Variants in PCDH15 observed in about 807,000 individuals in gnomAD.
The protein encoded by PCDH15 is protocadherin-15.
In PCDH15, 129 loss-of-function variants were observed where a neutral mutation model predicts 178.5. That is an observed-to-expected ratio of 0.72 (90% CI 0.63 to 0.84). The LOEUF is 0.84. Among genes scored for constraint, PCDH15 ranks in the 40% least tolerant of loss-of-function variants. The pLI is 0.00. For missense variants in PCDH15, 2,230 were observed against 2,099.9 expected (o/e 1.06, Z -1.21); for synonymous variants, 800 against 732.0 (o/e 1.09, Z -1.50).
Position 53,857,168 on chromosome 10 carries a change from C to A in PCDH15, c.3806+7G>T, listed in dbSNP as rs2078804358. The A allele has an allele frequency of 1.3e-6, 2 of 1,566,670 alleles. No individual in the cohort carries two copies. Among genetic ancestry groups the A allele is most frequent in the Non-Finnish European group, 1.8e-6 (2 of 1,138,298 alleles). ...AAATAAATATATAAGGAGACAAAAT[C>A]AATTACTCTGTAAGATCTTCTATCT... On this transcript the variant is annotated splice_region_variant and intron_variant, in intron 28 of 37. Transcript: ENST00000644397.
At chr10:54,674,412 T>C (rs935980221) in intron 1 of PCDH15, among the ~76,000 whole-genome samples, 10 of 152,124 alleles carry the variant, frequency 6.6e-5, no homozygotes, top group African/African-American at 1.2e-4. Context: ...ATGAAAATCA[T>C]GTATGAAATG....
At chr10:54,378,990 T>G (rs757830420) in intron 3 of PCDH15, 48 bp from the exon 4 acceptor site, 1 of 1,604,714 alleles carries the variant, frequency 6.2e-7, no homozygotes, top group Non-Finnish European at 8.5e-7. Flanking sequence ...CTCATATGAA[T>G]TCTTTAGCAA....
chr10:55,090,381 A>AAC lies in PCDH15; in HGVS notation c.-80+76194_-80+76195insGT, dbSNP rs1842286620. Among the ~76,000 whole-genome samples the AAC allele has an allele frequency of 6.3e-5, 7 of 110,638 alleles. No individual in the cohort carries two copies. The South Asian group carries it at 2.0e-3, about 32-fold the overall frequency. 72.6% of individuals were successfully genotyped at this position (110,638 alleles called of 152,430 possible). ...TTTTCGTTGTCATTTAACAAAAATG[A>AAC]ATAGTCTTATACTCAGGCTTGCTCA... On this transcript the variant is annotated intron_variant, in intron 2 of 5. Transcript: ENST00000458638.
At chr10:54,353,779 A>AT (rs1944529800) in intron 5 of PCDH15, among the ~76,000 whole-genome samples, 1 of 152,030 alleles carries the variant, frequency 6.6e-6, no homozygotes, top group South Asian at 2.1e-4. Context: ...TCTTGATTCC[A>AT]TTTTTTATCA....
chr10:54,342,178 C>T lies in PCDH15; in HGVS notation c.594+4187G>A, dbSNP rs927686087. On this transcript the variant is annotated intron_variant, in intron 6 of 37. Coordinates refer to ENST00000644397, the MANE Select transcript of PCDH15 (RefSeq NM_001384140.1). ...AATAGCCAAGACAATGGGAAAAATGCCTCCAGGGCATTTTAGGGATCTTCA... is the reference window on the plus strand; with the variant it reads ...AATAGCCAAGACAATGGGAAAAATGTCTCCAGGGCATTTTAGGGATCTTCA... Among the ~76,000 whole-genome samples the T allele has an allele frequency of 3.9e-5, 6 of 152,102 alleles. 1 individual carries two copies. Among genetic ancestry groups the T allele is most frequent in the South Asian group, 2.1e-4 (1 of 4,828 alleles).
chr10:55,330,200 T>C (rs1365976625), intron 2 of PCDH15, among the ~76,000 whole-genome samples: 1 of 151,854 alleles, frequency 6.6e-6, no homozygotes, highest in Non-Finnish European at 1.5e-5. Context: ...ATCTAGATAT[T>C]TGAGGCTTTT....
intron 2 of PCDH15, among the ~76,000 whole-genome samples, chr10:55,538,947 CTTCCTTCCTTTCCTTCCTTCCTTCCTCCT>C (rs1841689271): frequency 6.8e-5 from 1 of 14,652 alleles, no homozygotes; most frequent in Admixed American, 7.3e-4. Context: ...TCCTTCCTCC[CTTCCTTCCTTTCCTTCCTTCCTTCCTCCT>C]TTCCTTCCTT....
intron 2 of PCDH15, among the ~76,000 whole-genome samples, chr10:54,953,771 C>A (rs1037828107): frequency 6.6e-6 from 1 of 150,994 alleles, no homozygotes. Context: ...TACTGGTAAA[C>A]CAATGCTTAT....
chr10:55,623,511 T>C (rs1285303412), intron 2 of PCDH15, among the ~76,000 whole-genome samples: 1 of 151,950 alleles, frequency 6.6e-6, no homozygotes, highest in Non-Finnish European at 1.5e-5. Context: ...TAAATGCAAA[T>C]GTAGTATGTG....
At chr10:53,821,734 A>C in intron 32 of PCDH15, 2 of 1,528,784 alleles carry the variant, frequency 1.3e-6, no homozygotes, top group Non-Finnish European at 8.7e-7. Flanking sequence ...AAACGAGAAA[A>C]AAAACTGCAT....
At chr10:53,934,348 G>T (rs2085368071) in intron 25 of PCDH15, among the ~76,000 whole-genome samples, 1 of 152,040 alleles carries the variant, frequency 6.6e-6, no homozygotes, top group Admixed American at 6.5e-5. Context: ...ACAAGACTGT[G>T]CAAGCTATAA....
At chr10:54,400,341 G>T (rs1465306864) in intron 3 of PCDH15, among the ~76,000 whole-genome samples, 1 of 151,926 alleles carries the variant, frequency 6.6e-6, no homozygotes, top group Non-Finnish European at 1.5e-5. Flanking sequence ...TCATGAAGGT[G>T]GATAAAATAT....
intron 13 of PCDH15, among the ~76,000 whole-genome samples, chr10:54,179,803 A>G (rs2133755700): frequency 6.6e-6 from 1 of 152,316 alleles, no homozygotes; most frequent in South Asian, 2.1e-4. Context: ...CAGAATGCTA[A>G]TAGTCAATTA....
intron 9 of PCDH15, among the ~76,000 whole-genome samples, chr10:54,230,721 T>C (rs1319658766): frequency 6.6e-6 from 1 of 152,158 alleles, no homozygotes; most frequent in Non-Finnish European, 1.5e-5. Context: ...ACCAACATTT[T>C]AGTTGCCAGA....
chr10:55,532,800 T>C (rs550464499), intron 2 of PCDH15, among the ~76,000 whole-genome samples: 10 of 152,120 alleles, frequency 6.6e-5, no homozygotes, highest in African/African-American at 2.2e-4. Context: ...TAAAATATCC[T>C]TAATAACTCT....
At chr10:55,010,305 G>A (rs573368921) in intron 2 of PCDH15, among the ~76,000 whole-genome samples, 1 of 152,232 alleles carries the variant, frequency 6.6e-6, no homozygotes, top group East Asian at 1.9e-4. Flanking sequence ...TATGCTGGGA[G>A]GCCTGACTAT....
Position 54,932,727 on chromosome 10 carries a change from G to A in PCDH15, c.-79-35227C>T, listed in dbSNP as rs534162844. 1.3e-4 allele frequency among the ~76,000 whole-genome samples: 20 copies of A among 152,106 alleles called. No homozygotes were observed. The Middle Eastern group carries it at 0.01, about 78-fold the overall frequency. On this transcript the variant is annotated intron_variant, in intron 2 of 5. Transcript: ENST00000458638. ...AATTTTTGCATTTTTAGTAGAGAAGGGGTTTCACCATGTTGATCAGGCAGG... is the reference window on the plus strand; with the variant it reads ...AATTTTTGCATTTTTAGTAGAGAAGAGGTTTCACCATGTTGATCAGGCAGG...
At chr10:54,777,214 C>T (rs191659664) in intron 1 of PCDH15, among the ~76,000 whole-genome samples, 2 of 152,124 alleles carry the variant, frequency 1.3e-5, no homozygotes, top group Admixed American at 6.6e-5. Context: ...ACAATCGTTG[C>T]GCACATCTAT....
At chr10:53,891,488 A>T (rs191475906) in intron 26 of PCDH15, among the ~76,000 whole-genome samples, 5 of 152,316 alleles carry the variant, frequency 3.3e-5, no homozygotes, top group Admixed American at 3.3e-4. Flanking sequence ...ACATTTAATA[A>T]ATTTCTAATA....
Sources: allele counts gnomAD v4.1 joint callset (sites outside exome capture counted in the v4.1 genomes callset), GRCh38; gene constraint gnomAD v4.1.1; transcripts MANE v1.5; gene names NCBI Gene and HGNC (gene_info 2026-07-23, HGNC 2026-07-21).